The following UBR1 variants were observed in gnomAD, a reference collection of about 807,000 sequenced individuals.
UBR1 encodes the protein E3 ubiquitin-protein ligase UBR1.
UBR1 carries 102 observed loss-of-function variants against 242.1 expected under a neutral mutation model. That is an observed-to-expected ratio of 0.42 (90% confidence interval 0.36 to 0.50). UBR1 has a LOEUF of 0.50. Ranked by LOEUF, UBR1 falls within the 20% of genes least tolerant of loss-of-function variation. The pLI is 0.01. For synonymous variants in UBR1, 675 were observed against 684.8 expected (o/e 0.99, Z 0.22); for missense variants, 1,772 against 2,101.8 (o/e 0.84, Z 3.07).
intron 15 of UBR1, among the ~76,000 whole-genome samples, chr15:43,039,583 G>A (rs1278617549): frequency 6.6e-6 from 1 of 152,216 alleles, no homozygotes; most frequent in Non-Finnish European, 1.5e-5. Context: ...TTTGGGCTGA[G>A]ACGATGGGGT....
chr15:43,079,457 T>C (rs1278260370), intron 3 of UBR1, among the ~76,000 whole-genome samples: 4 of 152,174 alleles, frequency 2.6e-5, no homozygotes, highest in Admixed American at 6.5e-5. Context: ...AAATATATCC[T>C]AGTAAAACTA....
At chr15:43,048,095 G>A (rs753285948) in intron 13 of UBR1, among the ~76,000 whole-genome samples, 1 of 151,866 alleles carries the variant, frequency 6.6e-6, no homozygotes, top group Non-Finnish European at 1.5e-5. Flanking sequence ...ACTGAGGCAG[G>A]AGAATCGCTT....
chr15:42,977,808 C>A, intron 38 of UBR1, 72 bp downstream of exon 38: 1 of 1,285,582 alleles, frequency 7.8e-7, no homozygotes, highest in Non-Finnish European at 1.1e-6. Flanking sequence ...GAACAAAGGG[C>A]ATGAATTTAA....
chr15:43,032,453 AT>A, intron 20 of UBR1, 114 bp downstream of exon 20: 1 of 687,852 alleles, frequency 1.5e-6, no homozygotes. Flanking sequence ...TGTGAAGGTG[AT>A]TTTCTAAATG....
At chr15:42,945,542 A>G (rs151182256) in intron 46 of UBR1, 72 bp from the exon 47 acceptor site, 6 of 1,574,712 alleles carry the variant, frequency 3.8e-6, no homozygotes, top group Middle Eastern at 1.7e-4. Context: ...TGTCTAAATT[A>G]GTATGCACTC....
intron 33 of UBR1, among the ~76,000 whole-genome samples, chr15:42,995,503 CAA>C (rs879896059): frequency 1.3e-4 from 12 of 94,018 alleles, no homozygotes; most frequent in African/African-American, 1.6e-4. Flanking sequence ...ACTAAAAATA[CAA>C]AAAAAAAAAA....
rs550676313 is a variant in UBR1 at position 43,045,196 on chromosome 15, T to G, written c.1669-1801A>C. Among the ~76,000 whole-genome samples, 6 of 152,316 alleles carry G rather than the reference T, an allele frequency of 3.9e-5. No homozygotes were observed. The South Asian group carries it at 1.2e-3, about 32-fold the overall frequency. On this transcript the variant is annotated intron_variant, in intron 14 of 46. Transcript: ENST00000290650. ...GTTTGAGGCCAGGTGTGGTGGCTCA[T>G]GCCTATAATCCCAGCACTTTGGGAG...
At chr15:43,094,336 G>A (rs760748193) in intron 1 of UBR1, among the ~76,000 whole-genome samples, 9 of 152,154 alleles carry the variant, frequency 5.9e-5, no homozygotes, top group Non-Finnish European at 1.0e-4. Context: ...GGCTGAGGCA[G>A]GAGAATCGCT....
chr15:43,020,571 C>T (rs2033096995), intron 27 of UBR1, among the ~76,000 whole-genome samples: 2 of 152,194 alleles, frequency 1.3e-5, no homozygotes, highest in Admixed American at 1.3e-4. Context: ...CAGCCAATAC[C>T]ATCTTGTACA....
Position 43,007,270 on chromosome 15 carries a change from C to A in UBR1, c.3224G>T (p.Ser1075Ile), listed in dbSNP as rs2032847395. The change falls in exon 30 of 47, where the codon AGT (serine) becomes ATT (isoleucine). Residue 1075 changes from serine to isoleucine, a missense_variant. By Grantham distance (142) the Ser-to-Ile change is moderately radical (BLOSUM62 -2). Around this residue, in one of 3 missense-constraint regions of UBR1, gnomAD observed 965 missense variants for 1,079.7 expected, o/e 0.89. Coordinates refer to ENST00000290650, the MANE Select transcript of UBR1 (RefSeq NM_174916.3). ...ACCCAAAGCAATTCTAGAGTAGTCA[C>A]TGACTGCTGGGGTGCTACCAAAAGA... is the stretch of plus-strand genomic sequence containing the variant. ...IMEEESTPAV[S>I]DYSRIALGPK... 6.2e-7 allele frequency: 1 copy of A among 1,614,022 alleles called. No homozygotes were observed. Among genetic ancestry groups the A allele is most frequent in the South Asian group, 1.1e-5 (1 of 91,084 alleles).
At chr15:43,097,371 G>A (rs543593345) in intron 1 of UBR1, among the ~76,000 whole-genome samples, 4 of 152,096 alleles carry the variant, frequency 2.6e-5, no homozygotes, top group African/African-American at 9.7e-5. Context: ...AGTATTCTTG[G>A]ATTTTCTGAA....
At chr15:43,064,864 C>G (rs2033733635) in intron 6 of UBR1, among the ~76,000 whole-genome samples, 1 of 152,124 alleles carries the variant, frequency 6.6e-6, no homozygotes, top group African/African-American at 2.4e-5. Context: ...GCCACCACAC[C>G]CGGCCCTATC....
At chr15:43,017,003 C>G in intron 28 of UBR1, 92 bp downstream of exon 28, 1 of 931,266 alleles carries the variant, frequency 1.1e-6, no homozygotes, top group Non-Finnish European at 1.7e-6. Context: ...ACAGGTTTCT[C>G]CTAACAAAAA....
chr15:43,019,458 T>C (rs1388681368), intron 27 of UBR1, among the ~76,000 whole-genome samples: 1 of 152,096 alleles, frequency 6.6e-6, no homozygotes, highest in Non-Finnish European at 1.5e-5. Context: ...AGATTTCCAA[T>C]TGATAAGAAT....
At chr15:43,038,280 G>C in intron 15 of UBR1, 48 bp from the exon 16 acceptor site, 3 of 1,546,324 alleles carry the variant, frequency 1.9e-6, no homozygotes, top group Non-Finnish European at 2.7e-6. Flanking sequence ...AACCCAATTT[G>C]TTAACTAGTT....
rs375465555 is a variant in UBR1 at position 43,021,329 on chromosome 15, G to A, written c.2886C>T (p.Leu962=). 6.2e-6 allele frequency: 10 copies of A among 1,613,596 alleles called. No individual in the cohort carries two copies. The highest frequency in any genetic ancestry group is 7.6e-6 in the Non-Finnish European group (9 of 1,179,768). The stretch of plus-strand genomic sequence containing the variant: ...GGCCTTCTAACTGGGGAATTCCTTT[G>A]AGTTTTTCCAAAAGCATTTGTATAT... The part of the protein sequence containing the change: ...AMNIQMLLEK[L]KGIPQLEGQK... Residue 962 remains leucine, a synonymous_variant, in exon 27 of 47, where the codon CTC becomes CTT. Transcript: ENST00000290650.
intron 33 of UBR1, among the ~76,000 whole-genome samples, chr15:42,996,797 G>C (rs943973310): frequency 6.6e-6 from 1 of 152,140 alleles, no homozygotes; most frequent in African/African-American, 2.4e-5. Flanking sequence ...GATAAATACA[G>C]AAAGATATGA....
intron 24 of UBR1, 68 bp from the exon 25 acceptor site, chr15:43,025,051 T>C (rs2033161953): frequency 1.3e-6 from 2 of 1,583,698 alleles, no homozygotes; most frequent in African/African-American, 1.3e-5. Flanking sequence ...TTATCCTACA[T>C]ACTAAAGTGC....
chr15:42,974,031 G>T (rs1431920568), intron 39 of UBR1, among the ~76,000 whole-genome samples: 2 of 151,752 alleles, frequency 1.3e-5, no homozygotes, highest in African/African-American at 4.8e-5. Flanking sequence ...TGGGACTACA[G>T]GCACCCGCCA....
Sources: gnomAD v4.1 joint callset for allele counts (sites outside exome capture counted in the v4.1 genomes callset) on GRCh38, gnomAD v4.1.1 for gene constraint, gnomAD v4.1.1 regional missense constraint, MANE v1.5 for transcripts, NCBI Gene and HGNC (gene_info 2026-07-23, HGNC 2026-07-21) for gene names.